The following ZCCHC10 variants were observed in gnomAD, a reference collection of about 807,000 sequenced individuals.
The protein encoded by ZCCHC10 is zinc finger CCHC-type containing 10.
In ZCCHC10, 16 loss-of-function variants were observed where a neutral mutation model predicts 19.5. The ratio of observed to expected loss-of-function variants is 0.82; its 90% confidence interval spans 0.56 to 1.25. ZCCHC10 has a LOEUF of 1.25. Ranked by LOEUF, ZCCHC10 falls within the 50% of genes most tolerant of loss-of-function variation. The pLI, the probability that ZCCHC10 is intolerant of heterozygous loss-of-function variation, is 0.00. For synonymous variants in ZCCHC10, 67 were observed against 72.5 expected (o/e 0.92, Z 0.38); for missense variants, 197 against 201.0 (o/e 0.98, Z 0.12).
chr5:133,024,846 T>C (rs910017747), intron 1 of ZCCHC10, among the ~76,000 whole-genome samples: 17 of 151,868 alleles, frequency 1.1e-4, no homozygotes, highest in African/African-American at 3.9e-4. Flanking sequence ...GAGGTTGCAG[T>C]GAGCCAAGAT....
At chr5:133,021,913 C>G (rs1352180198) in intron 2 of ZCCHC10, among the ~76,000 whole-genome samples, 1 of 151,902 alleles carries the variant, frequency 6.6e-6, no homozygotes, top group East Asian at 1.9e-4. Flanking sequence ...CCTGCCTCAG[C>G]CTCCCAAGTA....
At chr5:133,011,624 TAAA>T (rs1194165056) in intron 2 of ZCCHC10, among the ~76,000 whole-genome samples, 6 of 44,782 alleles carry the variant, frequency 1.3e-4, no homozygotes, top group South Asian at 7.8e-4. Context: ...AGACTCCATC[TAAA>T]AAAAAAAAAA....
chr5:133,000,005 C>T (rs1275309104), intron 4 of ZCCHC10, 127 bp downstream of exon 4: 2 of 1,054,054 alleles, frequency 1.9e-6, no homozygotes, highest in African/African-American at 3.2e-5. Flanking sequence ...ACCTTGGCCT[C>T]CCAAAGTGCT....
At chr5:133,008,774 G>C (rs1763302621) in intron 2 of ZCCHC10, among the ~76,000 whole-genome samples, 1 of 151,924 alleles carries the variant, frequency 6.6e-6, no homozygotes, top group Non-Finnish European at 1.5e-5. Context: ...CACTTTGGGA[G>C]GCCAAGGGAG....
chr5:132,998,938 C>T (rs1347556446), intron 4 of ZCCHC10, 88 bp from the exon 5 acceptor site: 1 of 1,522,670 alleles, frequency 6.6e-7, no homozygotes, highest in Non-Finnish European at 8.8e-7. Flanking sequence ...CTTTTCGAGA[C>T]AGAGTCTTGC....
intron 3 of ZCCHC10, among the ~76,000 whole-genome samples, chr5:133,001,465 CTTTT>C (rs1006324617): frequency 6.7e-6 from 1 of 149,868 alleles, no homozygotes; most frequent in South Asian, 2.1e-4. Context: ...GTAAATTTAA[CTTTT>C]TTTTTTCTTT....
Position 133,026,376 on chromosome 5 carries a change from A to T in ZCCHC10, c.41+121T>A, listed in dbSNP as rs370618332. 1.3e-4 allele frequency: 183 copies of T among 1,395,588 alleles called. No homozygotes were observed. In the African/African-American group the frequency reaches 2.4e-3, roughly 18 times the overall value. 86.5% of individuals were successfully genotyped at this position (1,395,588 alleles called of 1,614,324 possible). ...CCCGGGCCCGAGCCCCCCGGGAGCC[A>T]GAAGAGTGTTTGAGAAACGGACATT... On this transcript the variant is annotated intron_variant, in intron 1 of 4. Coordinates refer to ENST00000509437, the MANE Select transcript of ZCCHC10 (RefSeq NM_001300816.3).
chr5:133,015,700 A>G (rs1389121979), intron 2 of ZCCHC10, among the ~76,000 whole-genome samples: 4 of 152,206 alleles, frequency 2.6e-5, no homozygotes, highest in Non-Finnish European at 5.9e-5. Flanking sequence ...TGCCCCTGCC[A>G]ACATCCTGAT....
chr5:133,012,136 C>CAAAAA, intron 2 of ZCCHC10, among the ~76,000 whole-genome samples: 1 of 74,824 alleles, frequency 1.3e-5, no homozygotes. Context: ...GCCTCCATCT[C>CAAAAA]AAAAAAAAAA....
chr5:133,023,667 A>C (rs1180363999), intron 1 of ZCCHC10, among the ~76,000 whole-genome samples: 1 of 151,734 alleles, frequency 6.6e-6, no homozygotes, highest in Admixed American at 6.6e-5. Context: ...CAGCTAAAGG[A>C]GGCTGAGGCA....
intron 1 of ZCCHC10, among the ~76,000 whole-genome samples, chr5:133,025,182 T>A (rs981107227): frequency 8.6e-5 from 13 of 152,008 alleles, no homozygotes; most frequent in Non-Finnish European, 1.9e-4. Flanking sequence ...TGTCTGGATG[T>A]GCAAAGGCTG....
At chr5:133,011,624 T>TAA (rs1194165056) in intron 2 of ZCCHC10, among the ~76,000 whole-genome samples, 8,260 of 44,598 alleles carry the variant, frequency 0.19, 959 homozygotes, top group Non-Finnish European at 0.25. Flanking sequence ...AGACTCCATC[T>TAA]AAAAAAAAAA....
At chr5:133,013,264 A>G (rs1015434285) in intron 2 of ZCCHC10, among the ~76,000 whole-genome samples, 24 of 148,208 alleles carry the variant, frequency 1.6e-4, no homozygotes, top group African/African-American at 5.4e-4. Flanking sequence ...TCTCCAAGAA[A>G]AAAAAAAAAA....
In ZCCHC10 at chr5:132,997,554, GTAAACACACCAGATTAATCCTAGT is replaced by G. The variant is rs1322217066; in HGVS notation, c.*1005_*1028del. 2.0e-5 allele frequency: 3 copies of G among 152,018 alleles called. No homozygotes were observed. Among genetic ancestry groups the G allele is most frequent in the Non-Finnish European group, 2.9e-5 (2 of 68,000 alleles). 9.4% of individuals were successfully genotyped at this position (152,018 alleles called of 1,614,324 possible). On this transcript the variant is annotated 3_prime_UTR_variant, in exon 5 of 5. Transcript: ENST00000509437. ...TAGATTTCAACTATGTATATCCTATGTAAACACACCAGATTAATCCTAGTCATTCATATATATGCAGTAGACTGT... is the reference window on the plus strand; with the variant it reads ...TAGATTTCAACTATGTATATCCTATGCATTCATATATATGCAGTAGACTGT...
At chr5:133,000,328 T>C (rs1038968219) in intron 3 of ZCCHC10, 155 bp from the exon 4 acceptor site, 1 of 803,334 alleles carries the variant, frequency 1.2e-6, no homozygotes, top group East Asian at 2.8e-5. Context: ...TATAAGCAAG[T>C]GGAAAGTCTG....
intron 2 of ZCCHC10, among the ~76,000 whole-genome samples, chr5:133,007,820 A>C (rs991945629): frequency 6.6e-6 from 1 of 152,192 alleles, no homozygotes; most frequent in Admixed American, 6.6e-5. Flanking sequence ...AGTTGAATTC[A>C]AATCTTGGCT....
chr5:133,017,914 T>C (rs1581421821), intron 2 of ZCCHC10, among the ~76,000 whole-genome samples: 2 of 151,664 alleles, frequency 1.3e-5, no homozygotes, highest in Admixed American at 1.3e-4. Context: ...GGAGGCCAGG[T>C]GGGTGGATCA....
intron 2 of ZCCHC10, among the ~76,000 whole-genome samples, chr5:133,019,555 C>G (rs1764157476): frequency 6.6e-6 from 1 of 151,936 alleles, no homozygotes; most frequent in African/African-American, 2.4e-5. Flanking sequence ...CTATTGTTGG[C>G]AAAAGCAGGG....
chr5:133,000,934 G>A (rs966078365), intron 3 of ZCCHC10, among the ~76,000 whole-genome samples: 1 of 151,818 alleles, frequency 6.6e-6, no homozygotes, highest in South Asian at 2.1e-4. Flanking sequence ...GAGCCACCCT[G>A]CCTGGCCGAG....
Sources: gnomAD v4.1 joint callset for allele counts (sites outside exome capture counted in the v4.1 genomes callset) on GRCh38, gnomAD v4.1.1 for gene constraint, MANE v1.5 for transcripts, NCBI Gene and HGNC (gene_info 2026-07-23, HGNC 2026-07-21) for gene names.